FNBP1L: variants seen among roughly 807,000 people sequenced by gnomAD.
FNBP1L encodes the protein formin binding protein 1 like, also known as formin-binding protein 1-like.
Under a neutral mutation model 91.2 loss-of-function variants are expected in FNBP1L, and 36 were observed. That is an observed-to-expected ratio of 0.39 (90% CI 0.30 to 0.52). The LOEUF (loss-of-function observed/expected upper bound fraction) is 0.52. Among genes scored for constraint, FNBP1L ranks in the 20% least tolerant of loss-of-function variants. The pLI is 0.66. For missense variants in FNBP1L, 571 were observed against 732.1 expected (o/e 0.78, Z 2.54); for synonymous variants, 242 against 237.0 (o/e 1.02, Z -0.19).
chr1:93,464,490 A>T (rs1456388808), intron 1 of FNBP1L, among the ~76,000 whole-genome samples: 1 of 152,160 alleles, frequency 6.6e-6, no homozygotes, highest in Admixed American at 6.5e-5. Flanking sequence ...TGAATAAAAC[A>T]TTCATTATTT....
At chr1:93,552,127 A>G in intron 16 of FNBP1L, 2 of 1,176,704 alleles carry the variant, frequency 1.7e-6, no homozygotes, top group Middle Eastern at 3.4e-4. Context: ...AAATTTTTCC[A>G]ATTAGTTTCA....
intron 2 of FNBP1L, among the ~76,000 whole-genome samples, chr1:93,519,504 T>C (rs985617359): frequency 6.6e-6 from 1 of 152,186 alleles, no homozygotes; most frequent in African/African-American, 2.4e-5. Flanking sequence ...TCTTACCATA[T>C]TATGTTATGT....
chr1:93,534,607 CTTATAT>C, intron 8 of FNBP1L, 92 bp from the exon 9 acceptor site: 1 of 692,754 alleles, frequency 1.4e-6, no homozygotes, highest in Non-Finnish European at 2.3e-6. Context: ...TTTATTTAAA[CTTATAT>C]TTGTTGTTTT....
chr1:93,520,899 G>A (rs894752835), intron 2 of FNBP1L, among the ~76,000 whole-genome samples: 9 of 152,078 alleles, frequency 5.9e-5, no homozygotes, highest in African/African-American at 2.2e-4. Flanking sequence ...AAAATCAGCT[G>A]GGTGTGGTGG....
At chr1:93,549,731 A>G (rs930847318) in intron 15 of FNBP1L, among the ~76,000 whole-genome samples, 3 of 152,206 alleles carry the variant, frequency 2.0e-5, no homozygotes, top group African/African-American at 4.8e-5. Flanking sequence ...GTCCTAAACA[A>G]AGTCGAGGCA....
At chr1:93,502,682 T>G (rs1414827023) in intron 2 of FNBP1L, among the ~76,000 whole-genome samples, 1 of 152,222 alleles carries the variant, frequency 6.6e-6, no homozygotes, top group East Asian at 1.9e-4. Context: ...GAAAGTGGGT[T>G]TTATTATGTA....
intron 3 of FNBP1L, among the ~76,000 whole-genome samples, chr1:93,523,075 G>C (rs2101750839): frequency 6.6e-6 from 1 of 152,262 alleles, no homozygotes; most frequent in African/African-American, 2.4e-5. Context: ...ATTCCAGTAT[G>C]CCAAAAGAGC....
intron 1 of FNBP1L, among the ~76,000 whole-genome samples, chr1:93,456,048 G>A (rs1055577925): frequency 6.6e-6 from 1 of 152,204 alleles, no homozygotes; most frequent in Non-Finnish European, 1.5e-5. Flanking sequence ...CAGGAAGATC[G>A]CTTGAGCCCA....
chr1:93,480,235 C>T (rs1321367934), intron 1 of FNBP1L, among the ~76,000 whole-genome samples: 4 of 152,148 alleles, frequency 2.6e-5, no homozygotes, highest in Admixed American at 2.0e-4. Context: ...AACAATTTAA[C>T]AAAGAGAAAT....
At chr1:93,505,717 T>G (rs1570813330) in intron 2 of FNBP1L, among the ~76,000 whole-genome samples, 1 of 152,336 alleles carries the variant, frequency 6.6e-6, no homozygotes, top group African/African-American at 2.4e-5. Context: ...AAGCTACTAT[T>G]TATTCCTAAT....
In FNBP1L at chr1:93,449,090, C is replaced by A. The variant is rs138772592; in HGVS notation, c.24+785C>A. Reference sequence around the variant, plus strand: ...CTGTTGCTTTACTTCCCTTTCCGTTCTTTATTCTCACTTGTTCTTTCTCCT... The same window carrying A: ...CTGTTGCTTTACTTCCCTTTCCGTTATTTATTCTCACTTGTTCTTTCTCCT... On this transcript the variant is annotated intron_variant, in intron 1 of 16. Transcript: ENST00000271234. 3.9e-4 allele frequency among the ~76,000 whole-genome samples: 60 copies of A among 152,348 alleles called. No individual in the cohort carries two copies. In the East Asian group the frequency reaches 9.5e-3, roughly 24 times the overall value.
intron 5 of FNBP1L, among the ~76,000 whole-genome samples, chr1:93,524,586 T>C (rs2101752206): frequency 6.7e-6 from 1 of 150,236 alleles, no homozygotes; most frequent in African/African-American, 2.4e-5. Flanking sequence ...AGATTCTTTT[T>C]TTTTTTTTTT....
At chr1:93,458,991 T>G (rs1570760695) in intron 1 of FNBP1L, among the ~76,000 whole-genome samples, 1 of 152,178 alleles carries the variant, frequency 6.6e-6, no homozygotes, top group East Asian at 1.9e-4. Context: ...ATATCCTCTG[T>G]GGGCTGAGCA....
At chr1:93,486,817 T>C (rs1200169469) in intron 1 of FNBP1L, among the ~76,000 whole-genome samples, 1 of 152,206 alleles carries the variant, frequency 6.6e-6, no homozygotes, top group East Asian at 1.9e-4. Flanking sequence ...TGCTCATTGC[T>C]CCAGCAATGA....
intron 2 of FNBP1L, among the ~76,000 whole-genome samples, chr1:93,513,659 T>A (rs1351533237): frequency 1.1e-4 from 17 of 152,220 alleles, no homozygotes; most frequent in South Asian, 2.1e-4. Flanking sequence ...ACAGAACCAA[T>A]GACAAAAACC....
intron 1 of FNBP1L, among the ~76,000 whole-genome samples, chr1:93,451,988 A>G (rs962804221): frequency 3.3e-5 from 5 of 152,214 alleles, no homozygotes; most frequent in African/African-American, 9.6e-5. Context: ...GACAAAGCTT[A>G]TATCTTTTTG....
intron 9 of FNBP1L, 41 bp downstream of exon 9, chr1:93,534,949 G>T: frequency 6.7e-7 from 1 of 1,487,582 alleles, no homozygotes; most frequent in Admixed American, 2.0e-5. Flanking sequence ...CAGTTTAAGT[G>T]TACCAACTAA....
intron 2 of FNBP1L, among the ~76,000 whole-genome samples, chr1:93,502,731 A>T (rs1229122872): frequency 2.6e-5 from 4 of 152,224 alleles, no homozygotes; most frequent in Non-Finnish European, 2.9e-5. Flanking sequence ...AATGAAGCAC[A>T]CTTAAGGAAT....
At chr1:93,491,834 G>A (rs1670102144) in intron 1 of FNBP1L, among the ~76,000 whole-genome samples, 1 of 151,996 alleles carries the variant, frequency 6.6e-6, no homozygotes, top group Admixed American at 6.6e-5. Context: ...TCTATTTTGA[G>A]TTTTAAATCA....
Sources: gnomAD v4.1 joint callset for allele counts (sites outside exome capture counted in the v4.1 genomes callset) on GRCh38, gnomAD v4.1.1 for gene constraint, MANE v1.5 for transcripts, NCBI Gene and HGNC (gene_info 2026-07-23, HGNC 2026-07-21) for gene names.